Variants in CACNG3 observed in about 807,000 individuals in gnomAD.
CACNG3 encodes the protein calcium voltage-gated channel auxiliary subunit gamma 3.
A neutral mutation model predicts 28.5 loss-of-function variants in CACNG3; 3 were observed. The ratio of observed to expected loss-of-function variants is 0.11; its 90% CI spans 0.05 to 0.27. CACNG3 has a LOEUF of 0.27. Ranked by LOEUF, CACNG3 falls within the 10% of genes least tolerant of loss-of-function variation. The pLI, the probability that CACNG3 is intolerant of heterozygous loss-of-function variation, is 1.00. For synonymous variants in CACNG3, 174 were observed against 162.2 expected, an observed-to-expected ratio of 1.07 and a Z score of -0.55; for missense variants, 236 against 414.4, an observed-to-expected ratio of 0.57 and a Z score of 3.74.
intron 1 of CACNG3, among the ~76,000 whole-genome samples, chr16:24,269,526 T>C (rs1005475286): frequency 2.0e-5 from 3 of 151,686 alleles, no homozygotes; most frequent in Non-Finnish European, 4.4e-5. Context: ...TCAAGGTGGG[T>C]GGATCGCTTC....
At chr16:24,291,125 A>T (rs1291121492) in intron 1 of CACNG3, among the ~76,000 whole-genome samples, 1 of 152,180 alleles carries the variant, frequency 6.6e-6, no homozygotes, top group Non-Finnish European at 1.5e-5. Context: ...TACCTCCCTC[A>T]TAGGGTTCTT....
chr16:24,357,232 TAAAA>T lies in CACNG3; in HGVS notation c.436+2277_436+2280del, dbSNP rs36102827. On this transcript the variant is annotated intron_variant, in intron 3 of 3. Transcript: ENST00000005284. ...CTGGTGACTGAGTGACACTCCATCT[TAAAA>T]AAAAAAAAAAAAAAAAAGCCATCAG... 4.5e-3 allele frequency among the ~76,000 whole-genome samples: 515 copies of T among 113,236 alleles called. 2 individuals are homozygous for T. The highest frequency in any genetic ancestry group is 7.4e-3 in the Admixed American group (79 of 10,690). 74.3% of individuals were successfully genotyped at this position (113,236 alleles called of 152,430 possible).
intron 1 of CACNG3, among the ~76,000 whole-genome samples, chr16:24,310,459 G>A (rs919197556): frequency 6.6e-6 from 1 of 152,148 alleles, no homozygotes; most frequent in African/African-American, 2.4e-5. Context: ...AGCTACTTGG[G>A]AGGCTGAGGC....
rs1319282167 is a variant in CACNG3, at chr16:24,346,753, C to T, written c.231C>T (p.Cys77=). ...CCLEGAFRGV[C]KKIDHFPEDA... ...CCACAGGGGCTTTCCGAGGCGTGTG[C>T]AAGAAAATCGATCACTTCCCTGAAG... Residue 77 remains cysteine (C), a synonymous_variant, in exon 2 of 4, where the codon TGC becomes TGT. Coordinates refer to ENST00000005284, the MANE Select transcript of CACNG3 (RefSeq NM_006539.4). 6.2e-7 allele frequency: 1 copy of T among 1,613,968 alleles called. No homozygotes were observed. Among genetic ancestry groups the T allele is most frequent in the Non-Finnish European group, 8.5e-7 (1 of 1,179,868 alleles).
chr16:24,315,808 A>G (rs1899344699), intron 1 of CACNG3, among the ~76,000 whole-genome samples: 1 of 151,980 alleles, frequency 6.6e-6, no homozygotes, highest in Admixed American at 6.6e-5. Flanking sequence ...ACAGGCATCC[A>G]CTACAATGCC....
intron 1 of CACNG3, among the ~76,000 whole-genome samples, chr16:24,306,454 C>A (rs1859198): frequency 6.6e-6 from 1 of 152,134 alleles, no homozygotes; most frequent in African/African-American, 2.4e-5. Flanking sequence ...AGACAGGGGA[C>A]GCCTGGCAGT....
At position 24,361,888 on chromosome 16, in the gene CACNG3, G is replaced by A. The variant is rs781552218; in HGVS notation, c.*25G>A. Reference sequence around the variant, plus strand: ...AACTGACCTCTGACCTCTGCCCCACGCCCAGCACAGCCTTGGGGGAAGTGT... The same window carrying A: ...AACTGACCTCTGACCTCTGCCCCACACCCAGCACAGCCTTGGGGGAAGTGT... On this transcript the variant is annotated 3_prime_UTR_variant, in exon 4 of 4. Transcript: ENST00000005284. The surrounding 1 kb of genome is among the most constrained non-coding windows in gnomAD (Gnocchi z 6.8). 8.6e-5 allele frequency: 135 copies of A among 1,576,336 alleles called. No homozygotes were observed. Among genetic ancestry groups the A allele is most frequent in the Admixed American group, 6.7e-4 (39 of 58,020 alleles).
chr16:24,295,368 C>G (rs546966519), intron 1 of CACNG3, among the ~76,000 whole-genome samples: 2 of 152,290 alleles, frequency 1.3e-5, no homozygotes, highest in South Asian at 4.1e-4. Flanking sequence ...ACTTGCTACT[C>G]CTGGTGCTGA....
At chr16:24,312,462 G>A (rs976021706) in intron 1 of CACNG3, among the ~76,000 whole-genome samples, 1 of 151,872 alleles carries the variant, frequency 6.6e-6, no homozygotes, top group Non-Finnish European at 1.5e-5. Context: ...TTTCTCATCT[G>A]TAAAAAAAAA....
chr16:24,291,841 C>A (rs899408558), intron 1 of CACNG3, among the ~76,000 whole-genome samples: 5 of 152,074 alleles, frequency 3.3e-5, no homozygotes, highest in African/African-American at 9.7e-5. Flanking sequence ...TTCTACGGGG[C>A]ATACAGGAAA....
chr16:24,336,135 G>A (rs1899701228), intron 1 of CACNG3, among the ~76,000 whole-genome samples: 1 of 151,688 alleles, frequency 6.6e-6, no homozygotes, highest in African/African-American at 2.4e-5. Flanking sequence ...AGAGGCAGGA[G>A]AATCGCTTGA....
chr16:24,302,361 C>T (rs995375871), intron 1 of CACNG3, among the ~76,000 whole-genome samples: 4 of 152,344 alleles, frequency 2.6e-5, no homozygotes, highest in Middle Eastern at 3.4e-3. Context: ...ACAGCGTCCC[C>T]TGGGAGTCTG....
Position 24,354,817 on chromosome 16 carries a change from C to G in CACNG3, c.296-16C>G. 3 of 1,610,718 alleles carry G rather than the reference C, an allele frequency of 1.9e-6. No individual in the cohort carries two copies. The highest frequency in any genetic ancestry group is 2.5e-6 in the Non-Finnish European group (3 of 1,178,900). On this transcript the variant is annotated splice_polypyrimidine_tract_variant and intron_variant, in intron 2 of 3. Coordinates refer to ENST00000005284, the MANE Select transcript of CACNG3 (RefSeq NM_006539.4). ...TGGCTGGGCACAGGCAGAAGCCTCT[C>G]TCCTTCTCTCCGCAGGAGCTGTGAG...
intron 1 of CACNG3, among the ~76,000 whole-genome samples, 175 bp downstream of exon 1, chr16:24,257,140 G>A (rs1011152739): frequency 2.0e-5 from 3 of 152,202 alleles, no homozygotes; most frequent in South Asian, 2.1e-4. Flanking sequence ...GGTTAAAGGG[G>A]TTGGGTCTTG....
Position 24,256,923 on chromosome 16 carries a change from G to A in CACNG3, c.169G>A (p.Val57Ile), listed in dbSNP as rs566211427. The change falls in exon 1 of 4, where the codon GTA (valine) becomes ATA (isoleucine). Residue 57 changes from valine to isoleucine, a missense_variant. By Grantham distance (29) the Val-to-Ile change is conservative. Coordinates refer to ENST00000005284, the MANE Select transcript of CACNG3 (RefSeq NM_006539.4). The surrounding 1 kb of genome is among the most constrained non-coding windows in gnomAD (Gnocchi z 4.6). ...TGAAACCAGCAGGAAGAATGAAGAA[G>A]TAATGACCCATTCGGGGCTGTGGAG... ...DNETSRKNEE[V>I]MTHSGLWRTC... 6.2e-7 allele frequency: 1 copy of A among 1,614,004 alleles called. No individual in the cohort carries two copies. Among genetic ancestry groups the A allele is most frequent in the African/African-American group, 1.3e-5 (1 of 75,052 alleles).
chr16:24,278,941 T>C (rs1898785426), intron 1 of CACNG3, among the ~76,000 whole-genome samples: 1 of 151,966 alleles, frequency 6.6e-6, no homozygotes, highest in Non-Finnish European at 1.5e-5. Context: ...TGAGCAAAAG[T>C]TAGAGAGATG....
At chr16:24,283,788 C>T (rs558971012) in intron 1 of CACNG3, among the ~76,000 whole-genome samples, 46 of 152,236 alleles carry the variant, frequency 3.0e-4, no homozygotes, top group South Asian at 2.9e-3. Context: ...CGGTTTACAT[C>T]CCAGAATTTA....
intron 1 of CACNG3, among the ~76,000 whole-genome samples, chr16:24,312,968 A>AGAAAG (rs1397138131): frequency 1.8e-5 from 2 of 110,090 alleles, no homozygotes; most frequent in Admixed American, 8.7e-5. Flanking sequence ...AAAGAAAGAA[A>AGAAAG]AGAAAGAAAG....
chr16:24,304,534 A>G (rs1899158474), intron 1 of CACNG3, among the ~76,000 whole-genome samples: 1 of 152,060 alleles, frequency 6.6e-6, no homozygotes. Flanking sequence ...CAGCCCTGGG[A>G]GTGCGCTAAC....
Sources: allele counts gnomAD v4.1 joint callset (sites outside exome capture counted in the v4.1 genomes callset), GRCh38; gene constraint gnomAD v4.1.1; non-coding constraint Gnocchi (gnomAD v3.1); transcripts MANE v1.5; gene names NCBI Gene and HGNC (gene_info 2026-07-23, HGNC 2026-07-21).